TBC1D19: variants seen among roughly 807,000 people sequenced by gnomAD.
TBC1D19 encodes TBC1 domain family member 19.
TBC1D19 carries 60 observed loss-of-function variants against 89.0 expected under a neutral mutation model. The ratio of observed to expected loss-of-function variants is 0.67; its 90% confidence interval spans 0.55 to 0.84. The LOEUF (loss-of-function observed/expected upper bound fraction) is 0.84. TBC1D19 is among the 40% of genes least tolerant of loss of function. TBC1D19 has a pLI of 0.00. For synonymous variants in TBC1D19, 189 were observed against 199.7 expected (o/e 0.95, Z 0.45); for missense variants, 500 against 610.8 (o/e 0.82, Z 1.91).
chr4:26,620,707 T>G lies in TBC1D19; in HGVS notation c.294+19T>G, dbSNP rs527254279. ...AGCACAGGTTGGCTATTGTTCAATT[T>G]CATTTTATTTTTTCATGCCAAGTTA... On this transcript the variant is annotated intron_variant, in intron 4 of 20. Coordinates refer to ENST00000264866, the MANE Select transcript of TBC1D19 (RefSeq NM_018317.4). 6.8e-6 allele frequency: 11 copies of G among 1,609,536 alleles called. No homozygotes were observed. In the South Asian group the frequency reaches 8.8e-5, roughly 13 times the overall value.
chr4:26,796,231 T>C, the TBC1D19 span, among the ~76,000 whole-genome samples: 1 of 152,200 alleles, frequency 6.6e-6, no homozygotes, highest in Non-Finnish European at 1.5e-5. Flanking sequence ...AGAATAAGCT[T>C]CCAAAAGTAG....
the TBC1D19 span, among the ~76,000 whole-genome samples, chr4:26,820,315 C>T: frequency 6.6e-6 from 1 of 152,286 alleles, no homozygotes; most frequent in East Asian, 1.9e-4. Context: ...ATCTTTTCTT[C>T]CCCATCTCTT....
chr4:26,578,447 A>G (rs1399356154), intron 1 of TBC1D19, among the ~76,000 whole-genome samples: 1 of 152,232 alleles, frequency 6.6e-6, no homozygotes, highest in Non-Finnish European at 1.5e-5. Context: ...TAGGCCTTCA[A>G]GAGAACTGGA....
chr4:26,817,998 A>G, the TBC1D19 span, among the ~76,000 whole-genome samples: 1 of 146,318 alleles, frequency 6.8e-6, no homozygotes, highest in South Asian at 2.1e-4. Context: ...ATATATATAT[A>G]TATATGAATA....
the TBC1D19 span, among the ~76,000 whole-genome samples, chr4:26,851,162 G>A: frequency 1.3e-5 from 2 of 152,142 alleles, no homozygotes; most frequent in African/African-American, 4.8e-5. Context: ...ATTGAGTTAC[G>A]CCATTGACTT....
At chr4:26,638,183 A>G (rs995965615) in intron 5 of TBC1D19, among the ~76,000 whole-genome samples, 1 of 149,174 alleles carries the variant, frequency 6.7e-6, no homozygotes, top group East Asian at 1.9e-4. Context: ...CAAGTAGGAG[A>G]GAGTCAGTTT....
At chr4:26,779,598 G>A in the TBC1D19 span, among the ~76,000 whole-genome samples, 3 of 152,182 alleles carry the variant, frequency 2.0e-5, no homozygotes, top group East Asian at 1.9e-4. Context: ...GGTCTGCTGT[G>A]TGCTTACTTG....
the TBC1D19 span, among the ~76,000 whole-genome samples, chr4:26,804,610 G>A: frequency 8.5e-5 from 13 of 152,142 alleles, no homozygotes; most frequent in Admixed American, 3.3e-4. Context: ...TCCTCACGCC[G>A]CAGGCCCAGA....
At chr4:26,610,919 A>T (rs1258457141) in intron 1 of TBC1D19, among the ~76,000 whole-genome samples, 1 of 152,032 alleles carries the variant, frequency 6.6e-6, no homozygotes, top group Non-Finnish European at 1.5e-5. Flanking sequence ...AGGCATGCGT[A>T]TGTCTTTACG....
chr4:26,637,107 T>A, intron 4 of TBC1D19, 104 bp from the exon 5 acceptor site: 3 of 803,004 alleles, frequency 3.7e-6, no homozygotes, highest in Non-Finnish European at 5.9e-6. Context: ...ATAACCAATC[T>A]CAACCAGCCT....
intron 4 of TBC1D19, among the ~76,000 whole-genome samples, chr4:26,629,729 A>G (rs1239576537): frequency 6.6e-6 from 1 of 152,040 alleles, no homozygotes; most frequent in African/African-American, 2.4e-5. Context: ...AATGTTACAT[A>G]GGCATCAAAA....
upstream of TBC1D19, among the ~76,000 whole-genome samples, chr4:26,582,704 T>C (rs923600077): frequency 6.6e-6 from 1 of 152,222 alleles, no homozygotes; most frequent in African/African-American, 2.4e-5. Flanking sequence ...AACTGCACTT[T>C]AGAGAGTCTG....
chr4:26,641,873 T>A (rs6821370), intron 7 of TBC1D19, among the ~76,000 whole-genome samples: 69,368 of 151,888 alleles, frequency 0.46, 17,590 homozygotes, highest in Admixed American at 0.6. Flanking sequence ...AAGAGAAGTT[T>A]ACAGAAAAAA....
At chr4:26,593,260 T>C (rs1453155346) in intron 1 of TBC1D19, among the ~76,000 whole-genome samples, 2 of 152,168 alleles carry the variant, frequency 1.3e-5, no homozygotes, top group African/African-American at 2.4e-5. Context: ...ATTTAATAAA[T>C]GGTGCTGGGA....
At chr4:26,808,905 C>G in the TBC1D19 span, among the ~76,000 whole-genome samples, 1 of 152,040 alleles carries the variant, frequency 6.6e-6, no homozygotes, top group South Asian at 2.1e-4. Context: ...CTTGGGAAGA[C>G]ATGATGTAAG....
chr4:26,696,071 G>A (rs1431367679), intron 13 of TBC1D19, among the ~76,000 whole-genome samples: 1 of 152,164 alleles, frequency 6.6e-6, no homozygotes, highest in African/African-American at 2.4e-5. Flanking sequence ...AGCACATTGG[G>A]TAAAGAGTCA....
the TBC1D19 span, among the ~76,000 whole-genome samples, chr4:26,807,744 T>C: frequency 1.3e-5 from 2 of 152,210 alleles, no homozygotes; most frequent in Non-Finnish European, 2.9e-5. Flanking sequence ...CTACATTCTC[T>C]AGGCCAGGCC....
chr4:26,579,424 A>G (rs544325744), upstream of TBC1D19, among the ~76,000 whole-genome samples: 34 of 152,250 alleles, frequency 2.2e-4, no homozygotes, highest in African/African-American at 8.2e-4. Context: ...TTCTTGGAAA[A>G]ATATTCTTTA....
chr4:26,748,770 C>T (rs1718787654), intron 19 of TBC1D19, among the ~76,000 whole-genome samples: 1 of 152,024 alleles, frequency 6.6e-6, no homozygotes, highest in Admixed American at 6.6e-5. Context: ...TTCATTTTCC[C>T]TTCCCTTTCC....
Sources: allele counts gnomAD v4.1 joint callset (sites outside exome capture counted in the v4.1 genomes callset), GRCh38; gene constraint gnomAD v4.1.1; transcripts MANE v1.5; gene names NCBI Gene and HGNC (gene_info 2026-07-23, HGNC 2026-07-21).